The following VTI1A variants were observed in gnomAD, a reference collection of about 807,000 sequenced individuals.
VTI1A encodes the protein vesicle transport through interaction with t-SNAREs homolog 1A.
In VTI1A, 22 loss-of-function variants were observed where a neutral mutation model predicts 34.9. The observed-to-expected ratio is 0.63, with a 90% confidence interval of 0.45 to 0.90. The LOEUF is 0.90. Ranked by LOEUF, VTI1A falls within the 40% of genes least tolerant of loss-of-function variation. The pLI is 0.00. For synonymous variants in VTI1A, 87 were observed against 97.3 expected (o/e 0.89, Z 0.62); for missense variants, 268 against 275.6 (o/e 0.97, Z 0.20).
chr10:112,571,455 C>T (rs1852116279), intron 5 of VTI1A, among the ~76,000 whole-genome samples: 1 of 152,132 alleles, frequency 6.6e-6, no homozygotes, highest in Non-Finnish European at 1.5e-5. Flanking sequence ...TCATGCCAGT[C>T]AGGATGACTT....
At chr10:112,615,322 A>T (rs1845476287) in intron 5 of VTI1A, among the ~76,000 whole-genome samples, 1 of 152,232 alleles carries the variant, frequency 6.6e-6, no homozygotes, top group Admixed American at 6.5e-5. Context: ...GGCAGCAGAA[A>T]AGTGATATAA....
chr10:112,460,908 T>G (rs1847707062), intron 2 of VTI1A, among the ~76,000 whole-genome samples: 1 of 152,224 alleles, frequency 6.6e-6, no homozygotes, highest in Admixed American at 6.5e-5. Context: ...TTATAATATT[T>G]AATTTTCTCA....
intron 7 of VTI1A, among the ~76,000 whole-genome samples, chr10:112,710,577 G>A (rs1043613104): frequency 2.0e-5 from 3 of 152,168 alleles, no homozygotes; most frequent in Admixed American, 6.5e-5. Context: ...AGAATTGCAC[G>A]TGGTTTATAT....
At chr10:112,540,925 G>A (rs1589879864) in intron 5 of VTI1A, among the ~76,000 whole-genome samples, 1 of 152,174 alleles carries the variant, frequency 6.6e-6, no homozygotes, top group South Asian at 2.1e-4. Context: ...TGGCTTCCAG[G>A]TATTGGTCTG....
intron 3 of VTI1A, among the ~76,000 whole-genome samples, chr10:112,490,611 A>AT (rs10694500): frequency 0.045 from 6,476 of 143,198 alleles, 229 homozygotes; most frequent in African/African-American, 0.1. Context: ...AGATGCTACA[A>AT]TTTTTTTTTT....
At chr10:112,760,385 C>G (rs1037482307) in intron 7 of VTI1A, among the ~76,000 whole-genome samples, 4 of 152,106 alleles carry the variant, frequency 2.6e-5, no homozygotes, top group Non-Finnish European at 4.4e-5. Flanking sequence ...GTCTCTCTCT[C>G]TCTCTCAAAA....
intron 7 of VTI1A, among the ~76,000 whole-genome samples, chr10:112,685,895 A>G (rs1007964934): frequency 6.6e-6 from 1 of 152,014 alleles, no homozygotes; most frequent in Non-Finnish European, 1.5e-5. Context: ...TCCACCCCTT[A>G]TGTGTACAAC....
intron 7 of VTI1A, among the ~76,000 whole-genome samples, chr10:112,769,049 T>G (rs1851727443): frequency 1.3e-5 from 2 of 152,338 alleles, no homozygotes; most frequent in South Asian, 4.1e-4. Flanking sequence ...ATTCTGGCCT[T>G]TTAGGACTGA....
intron 7 of VTI1A, among the ~76,000 whole-genome samples, chr10:112,698,703 C>G (rs1437178224): frequency 1.3e-5 from 2 of 152,226 alleles, no homozygotes; most frequent in African/African-American, 2.4e-5. Context: ...TAACACCCGT[C>G]TCGCACATCT....
the VTI1A span, among the ~76,000 whole-genome samples, chr10:112,828,853 GAA>G: frequency 3.7e-5 from 4 of 109,034 alleles, no homozygotes; most frequent in East Asian, 2.7e-4. Context: ...TCTCAAAAAA[GAA>G]AAAAAAAAAA....
intron 3 of VTI1A, among the ~76,000 whole-genome samples, chr10:112,480,345 T>G (rs950629437): frequency 3.3e-5 from 5 of 152,248 alleles, no homozygotes; most frequent in Admixed American, 6.5e-5. Context: ...GTTATTGTTT[T>G]GATATAGATT....
chr10:112,645,518 C>T (rs1044116480), intron 5 of VTI1A, among the ~76,000 whole-genome samples: 4 of 152,148 alleles, frequency 2.6e-5, no homozygotes, highest in Admixed American at 6.5e-5. Flanking sequence ...TTGAAGAAGG[C>T]GTCCACACTA....
In VTI1A at chr10:112,815,217, T is replaced by C. The variant is rs1590211558; in HGVS notation, c.561-73T>C. 7 of 607,690 alleles carry C rather than the reference T, an allele frequency of 1.2e-5. No individual in the cohort carries two copies. In the Admixed American group the frequency reaches 1.8e-4, roughly 16 times the overall value. 37.6% of individuals were successfully genotyped at this position (607,690 alleles called of 1,614,324 possible). On this transcript the variant is annotated intron_variant, in intron 7 of 7. Transcript: ENST00000393077. ...AAAGCTGCCGTTTGATTAGCCAACC[T>C]GGCCTCGGACGGCGTTTGTGGGAAG...
At chr10:112,760,538 C>T (rs1851426778) in intron 7 of VTI1A, among the ~76,000 whole-genome samples, 1 of 152,124 alleles carries the variant, frequency 6.6e-6, no homozygotes, top group Non-Finnish European at 1.5e-5. Flanking sequence ...GTCTGTGATA[C>T]TTTTATTACC....
chr10:112,847,814 T>C, the VTI1A span, among the ~76,000 whole-genome samples: 2 of 152,232 alleles, frequency 1.3e-5, no homozygotes, highest in East Asian at 3.8e-4. Flanking sequence ...TGTACCCTCA[T>C]TTATTCATTC....
intron 3 of VTI1A, among the ~76,000 whole-genome samples, chr10:112,501,419 T>C (rs1849228708): frequency 6.6e-6 from 1 of 152,094 alleles, no homozygotes. Flanking sequence ...AATCTTTCTG[T>C]TCTCTCTTAA....
chr10:112,521,695 TC>T (rs758436211), intron 3 of VTI1A, among the ~76,000 whole-genome samples: 31 of 152,212 alleles, frequency 2.0e-4, no homozygotes, highest in Middle Eastern at 3.4e-3. Context: ...CTAACAATGT[TC>T]CAGGGATCAA....
chr10:112,513,165 G>A (rs1005004345), intron 3 of VTI1A, among the ~76,000 whole-genome samples: 16 of 151,908 alleles, frequency 1.1e-4, no homozygotes, highest in African/African-American at 1.9e-4. Context: ...CTTCTAGTCC[G>A]TGAACACAGG....
intron 5 of VTI1A, among the ~76,000 whole-genome samples, chr10:112,560,076 G>A (rs1485335895): frequency 6.6e-6 from 1 of 152,142 alleles, no homozygotes; most frequent in Non-Finnish European, 1.5e-5. Flanking sequence ...GCTGACTCTG[G>A]TCCATTGAGT....
Sources: allele counts gnomAD v4.1 joint callset (sites outside exome capture counted in the v4.1 genomes callset), GRCh38; gene constraint gnomAD v4.1.1; transcripts MANE v1.5; gene names NCBI Gene and HGNC (gene_info 2026-07-23, HGNC 2026-07-21).